Variants in FAT4 observed in about 807,000 individuals in gnomAD.
FAT4 encodes the protein protocadherin Fat 4.
Under a neutral mutation model 303.9 loss-of-function variants are expected in FAT4, and 84 were observed. The observed-to-expected ratio is 0.28, with a 90% CI of 0.23 to 0.33. FAT4 has a LOEUF of 0.33. Ranked by LOEUF, FAT4 falls within the 10% of genes least tolerant of loss-of-function variation. FAT4 has a pLI of 1.00. For missense variants in FAT4, 6,005 were observed against 6,146.8 expected (o/e 0.98, Z 0.77); for synonymous variants, 2,307 against 2,298.8 (o/e 1.00, Z -0.10).
chr4:125,391,148 C>T (rs1309646622), intron 2 of FAT4, among the ~76,000 whole-genome samples: 2 of 152,088 alleles, frequency 1.3e-5, no homozygotes, highest in Non-Finnish European at 2.9e-5. Context: ...TACCATTTGA[C>T]CCAGCAATCC....
chr4:125,418,077 A>G (rs544573184), intron 7 of FAT4, among the ~76,000 whole-genome samples: 3 of 152,342 alleles, frequency 2.0e-5, no homozygotes, highest in South Asian at 4.1e-4. Context: ...CTTAAATTAC[A>G]TATTCACTGT....
At chr4:125,442,716 TC>T (rs1725700142) in intron 8 of FAT4, among the ~76,000 whole-genome samples, 2 of 152,168 alleles carry the variant, frequency 1.3e-5, no homozygotes, top group African/African-American at 2.4e-5. Flanking sequence ...ATGCAAATAT[TC>T]TATCCAGAGA....
chr4:125,360,731 A>G (rs1732619818), intron 2 of FAT4, among the ~76,000 whole-genome samples: 1 of 152,058 alleles, frequency 6.6e-6, no homozygotes, highest in African/African-American at 2.4e-5. Context: ...CACAAAACTT[A>G]ACATGTCTTT....
At position 125,317,095 on chromosome 4, in the gene FAT4, T is replaced by A; in HGVS notation, c.684T>A (p.Pro228=). The change falls in exon 2 of 18, where the codon CCT becomes CCA. Residue 228 remains proline, a synonymous_variant. Coordinates refer to ENST00000394329, the MANE Select transcript of FAT4 (RefSeq NM_001291303.3). This position sits in a 1 kb window ranked among gnomAD's most constrained non-coding sequence, Gnocchi z 7.0. ...TTGAGGTGGAGGACAAGGGTGAGCC[T>A]AAGCGGCGGGGCTACCTTCAGGTAA... ...LLVEVEDKGE[P]KRRGYLQVNV... is the part of the protein sequence containing the mutation. 6.2e-7 allele frequency: 1 copy of A among 1,613,922 alleles called. No individual in the cohort carries two copies. Among genetic ancestry groups the A allele is most frequent in the Non-Finnish European group, 8.5e-7 (1 of 1,180,038 alleles).
chr4:125,319,136 G>A lies in FAT4; in HGVS notation c.2725G>A (p.Gly909Ser). Residue 909 changes from glycine to serine, a missense_variant, in exon 2 of 18, where the codon GGT becomes AGT. Physicochemically the swap from Gly to Ser is moderately conservative, Grantham distance 56 (BLOSUM62 0). Coordinates refer to ENST00000394329, the MANE Select transcript of FAT4 (RefSeq NM_001291303.3). ...AAATGTGGTGGAGAATTGGCAGGCA[G>A]GTCACAGCATTTTCCAGGCCAAAGC... ...SVNVVENWQA[G>S]HSIFQAKAVD... 3.1e-6 allele frequency: 5 copies of A among 1,614,108 alleles called. No homozygotes were observed. Among genetic ancestry groups the A allele is most frequent in the Non-Finnish European group, 4.2e-6 (5 of 1,180,014 alleles).
At chr4:125,338,377 T>C (rs2125965283) in intron 2 of FAT4, among the ~76,000 whole-genome samples, 1 of 152,330 alleles carries the variant, frequency 6.6e-6, no homozygotes, top group East Asian at 1.9e-4. Flanking sequence ...TTCTTATGTT[T>C]TATTGTGGAT....
chr4:125,460,842 C>A (rs918112215), intron 10 of FAT4, among the ~76,000 whole-genome samples: 1 of 152,006 alleles, frequency 6.6e-6, no homozygotes, highest in Non-Finnish European at 1.5e-5. Flanking sequence ...CTGCTTTTAG[C>A]TCTTGAGGAA....
intron 2 of FAT4, among the ~76,000 whole-genome samples, chr4:125,386,387 C>A (rs559785120): frequency 6.6e-6 from 1 of 152,132 alleles, no homozygotes; most frequent in East Asian, 1.9e-4. Context: ...AAGTGATTCT[C>A]CTGCCTCAGC....
chr4:125,404,062 A>G (rs1734492622), intron 3 of FAT4, among the ~76,000 whole-genome samples: 8 of 152,166 alleles, frequency 5.3e-5, no homozygotes, highest in Admixed American at 2.6e-4. Context: ...GGTGGCGTTT[A>G]GCAGCTAGCA....
In FAT4 at chr4:125,315,664, C is replaced by G. The variant is rs1192747691; in HGVS notation, c.-326C>G. Reference sequence around the variant, plus strand: ...GAAGCCGCAACAGGGGCGGCGGCGGCGGCGGCTGCAGGAGGGGAAGGGGCA... The same window carrying G: ...GAAGCCGCAACAGGGGCGGCGGCGGGGGCGGCTGCAGGAGGGGAAGGGGCA... On this transcript the variant is annotated 5_prime_UTR_variant, in exon 1 of 18. Transcript: ENST00000394329. Among the ~76,000 whole-genome samples, 3 of 152,164 alleles carry G rather than the reference C, an allele frequency of 2.0e-5. No homozygotes were observed. Among genetic ancestry groups the G allele is most frequent in the Non-Finnish European group, 4.4e-5 (3 of 68,024 alleles).
Position 125,491,296 on chromosome 4 carries a change from GA to G in FAT4, c.14482del (p.Thr4828GlnfsTer63). 6.2e-7 allele frequency: 1 copy of G among 1,614,184 alleles called. No homozygotes were observed. ...GAGGACTGCAGAAGGCCACTGTCTA[GA>G]ACAAGGAATCCAGCGGATGGCATTC... The part of the protein sequence containing the change: ...SEEDCRRPLS[R>X]TRNPADGIPA... On this transcript the variant is annotated frameshift_variant, in exon 18 of 18. Coordinates refer to ENST00000394329, the MANE Select transcript of FAT4 (RefSeq NM_001291303.3). LOFTEE classifies it high-confidence loss of function.
intron 2 of FAT4, among the ~76,000 whole-genome samples, chr4:125,338,439 T>G (rs1047882158): frequency 6.6e-6 from 1 of 152,174 alleles, no homozygotes; most frequent in Admixed American, 6.5e-5. Context: ...ATTCCAGTAT[T>G]CAATATGCGA....
intron 3 of FAT4, among the ~76,000 whole-genome samples, chr4:125,401,128 A>G (rs1303034246): frequency 2.6e-5 from 4 of 152,204 alleles, no homozygotes; most frequent in South Asian, 4.1e-4. Flanking sequence ...AAAAGCTCAC[A>G]AAGTTGTTTG....
chr4:125,321,417 C>T lies in FAT4; in HGVS notation c.5006C>T (p.Ser1669Leu), dbSNP rs747624124. The change falls in exon 2 of 18, where the codon TCA becomes TTA. Residue 1669 changes from serine to leucine, a missense_variant. Transcript: ENST00000394329. ...SEAPVEYYIV[S>L]VRCEEKTVGR... is the part of the protein sequence containing the mutation. ...GCCCCAGTGGAGTATTATATTGTTTCAGTTCGTTGTGAAGAAAAAACTGTT... is the reference window on the plus strand; with the variant it reads ...GCCCCAGTGGAGTATTATATTGTTTTAGTTCGTTGTGAAGAAAAAACTGTT... The T allele has an allele frequency of 1.2e-6, 2 of 1,614,138 alleles. No individual in the cohort carries two copies. Among genetic ancestry groups the T allele is most frequent in the South Asian group, 2.2e-5 (2 of 91,076 alleles).
At chr4:125,361,156 A>G (rs1490159496) in intron 2 of FAT4, among the ~76,000 whole-genome samples, 3 of 152,020 alleles carry the variant, frequency 2.0e-5, no homozygotes, top group African/African-American at 7.2e-5. Flanking sequence ...TGCAATGAAT[A>G]TGTATTAGAT....
chr4:125,447,853 T>C (rs1725880254), intron 9 of FAT4, among the ~76,000 whole-genome samples: 1 of 152,130 alleles, frequency 6.6e-6, no homozygotes, highest in South Asian at 2.1e-4. Context: ...TTTAATTGGC[T>C]TATGTATATA....
At chr4:125,387,011 C>A (rs924648580) in intron 2 of FAT4, among the ~76,000 whole-genome samples, 1 of 152,114 alleles carries the variant, frequency 6.6e-6, no homozygotes, top group Non-Finnish European at 1.5e-5. Flanking sequence ...TTCGCATGCA[C>A]CATTCACAAT....
At chr4:125,468,456 A>G (rs1726742972) in intron 11 of FAT4, 56 bp from the exon 12 acceptor site, 2 of 1,222,804 alleles carry the variant, frequency 1.6e-6, no homozygotes, top group Non-Finnish European at 2.2e-6. Flanking sequence ...TAATCAAAAT[A>G]TATAATAAAA....
chr4:125,386,174 G>A (rs1353357261), intron 2 of FAT4, among the ~76,000 whole-genome samples: 1 of 152,112 alleles, frequency 6.6e-6, no homozygotes, highest in Non-Finnish European at 1.5e-5. Flanking sequence ...TTGAATAAAT[G>A]TACATTAAAT....
Sources: gnomAD v4.1 joint callset for allele counts (sites outside exome capture counted in the v4.1 genomes callset) on GRCh38, gnomAD v4.1.1 for gene constraint, Gnocchi (gnomAD v3.1) non-coding constraint, MANE v1.5 for transcripts, NCBI Gene and HGNC (gene_info 2026-07-23, HGNC 2026-07-21) for gene names.